Variants in ZPBP observed in about 807,000 individuals in gnomAD.
ZPBP encodes the protein zona pellucida-binding protein 1.
A neutral mutation model predicts 44.8 loss-of-function variants in ZPBP; 26 were observed. The ratio of observed to expected loss-of-function variants is 0.58; its 90% CI spans 0.43 to 0.81. The LOEUF is 0.81. Ranked by LOEUF, ZPBP falls within the 30% of genes least tolerant of loss-of-function variation. ZPBP has a pLI of 0.00. For missense variants in ZPBP, 409 were observed against 434.0 expected (o/e 0.94, Z 0.51); for synonymous variants, 174 against 153.2 (o/e 1.14, Z -1.00).
intron 1 of ZPBP, among the ~76,000 whole-genome samples, chr7:50,091,763 G>A (rs768742791): frequency 6.6e-6 from 1 of 152,162 alleles, no homozygotes; most frequent in South Asian, 2.1e-4. Context: ...GAGCAAATGT[G>A]ATGGGCATAA....
intron 5 of ZPBP, among the ~76,000 whole-genome samples, chr7:50,024,142 A>G (rs1296250641): frequency 6.6e-6 from 1 of 152,046 alleles, no homozygotes; most frequent in African/African-American, 2.4e-5. Flanking sequence ...GGCTGTTGTC[A>G]AAAAGATGAT....
At chr7:49,966,335 G>C (rs1296260289) in intron 7 of ZPBP, among the ~76,000 whole-genome samples, 2 of 151,940 alleles carry the variant, frequency 1.3e-5, no homozygotes, top group African/African-American at 4.8e-5. Flanking sequence ...CTCTCTCTCA[G>C]TATCAATATA....
intron 2 of ZPBP, among the ~76,000 whole-genome samples, chr7:49,860,549 T>C (rs1451183627): frequency 6.6e-6 from 1 of 152,254 alleles, no homozygotes; most frequent in Non-Finnish European, 1.5e-5. Flanking sequence ...CTGTGAATAA[T>C]GCTGCAGTGA....
At chr7:50,076,974 A>C (rs1802123442) in intron 3 of ZPBP, among the ~76,000 whole-genome samples, 1 of 144,334 alleles carries the variant, frequency 6.9e-6, no homozygotes, top group Non-Finnish European at 1.6e-5. Flanking sequence ...AAACTGGAGG[A>C]ATCACATTAT....
rs980645761 is a variant in ZPBP, at chr7:49,870,321, A to T, written n.510-19807T>A. Among the ~76,000 whole-genome samples, 3 of 152,130 alleles carry T rather than the reference A, an allele frequency of 2.0e-5. No individual in the cohort carries two copies. The East Asian group carries it at 5.8e-4, about 29-fold the overall frequency. ...AGGCTGAGGCAGGAGAATGGCGTGA[A>T]CCCAGGAGGTGGAGCTTGCAGTGAG... On this transcript the variant is annotated intron_variant and non_coding_transcript_variant, in intron 2 of 2. Transcript: ENST00000465922.
At chr7:49,984,525 T>G (rs2055190233) in intron 6 of ZPBP, among the ~76,000 whole-genome samples, 1 of 152,164 alleles carries the variant, frequency 6.6e-6, no homozygotes, top group Non-Finnish European at 1.5e-5. Context: ...CTGTTCTACT[T>G]TAGATAATCA....
intron 1 of ZPBP, chr7:49,912,187 C>T (rs766742451): frequency 1.1e-5 from 18 of 1,613,082 alleles, no homozygotes; most frequent in Admixed American, 8.3e-5. Context: ...CAAATGTAGA[C>T]GCTTCCCAGA....
At chr7:49,871,195 A>T (rs1791134861) in intron 2 of ZPBP, among the ~76,000 whole-genome samples, 2 of 152,150 alleles carry the variant, frequency 1.3e-5, no homozygotes, top group African/African-American at 2.4e-5. Flanking sequence ...AACGAATAAT[A>T]ATATCTATTG....
chr7:49,843,295 C>A, the ZPBP span, among the ~76,000 whole-genome samples: 1 of 152,130 alleles, frequency 6.6e-6, no homozygotes, highest in Non-Finnish European at 1.5e-5. Flanking sequence ...TGGGTGAGCC[C>A]CTTTCCTGAT....
At chr7:50,075,413 G>C (rs1037586482) in intron 3 of ZPBP, among the ~76,000 whole-genome samples, 1 of 151,642 alleles carries the variant, frequency 6.6e-6, no homozygotes, top group African/African-American at 2.4e-5. Context: ...AAATAATAAA[G>C]ATCAGAGGAG....
intron 2 of ZPBP, among the ~76,000 whole-genome samples, chr7:49,865,078 A>T (rs1790822917): frequency 6.6e-6 from 1 of 152,252 alleles, no homozygotes; most frequent in Non-Finnish European, 1.5e-5. Flanking sequence ...TGTAAATGGA[A>T]TACTTTTCTG....
At chr7:50,047,880 C>T (rs1034325587) in intron 4 of ZPBP, among the ~76,000 whole-genome samples, 1 of 152,064 alleles carries the variant, frequency 6.6e-6, no homozygotes, top group African/African-American at 2.4e-5. Context: ...GGGTGGAGTG[C>T]GCGAGGAAGC....
intron 5 of ZPBP, among the ~76,000 whole-genome samples, chr7:50,026,293 A>G (rs1799323040): frequency 6.6e-6 from 1 of 151,952 alleles, no homozygotes; most frequent in African/African-American, 2.4e-5. Context: ...CCCAAATTAT[A>G]TGAAGAAAAA....
intron 5 of ZPBP, among the ~76,000 whole-genome samples, chr7:50,020,929 T>C (rs541249631): frequency 3.3e-5 from 5 of 152,192 alleles, no homozygotes; most frequent in Admixed American, 1.3e-4. Context: ...AATATGTGTA[T>C]GTAACAAAAG....
chr7:49,873,868 T>G (rs548516701), intron 2 of ZPBP, among the ~76,000 whole-genome samples: 21 of 151,476 alleles, frequency 1.4e-4, no homozygotes, highest in African/African-American at 5.1e-4. Context: ...CATTTATATT[T>G]ATGCCAACAT....
intron 2 of ZPBP, among the ~76,000 whole-genome samples, chr7:49,878,615 A>G (rs1329434423): frequency 1.3e-5 from 2 of 152,118 alleles, no homozygotes; most frequent in African/African-American, 4.8e-5. Flanking sequence ...TTATATAATG[A>G]CATTCCAAGT....
At chr7:49,956,659 G>T (rs551238180) in intron 7 of ZPBP, among the ~76,000 whole-genome samples, 2 of 152,070 alleles carry the variant, frequency 1.3e-5, no homozygotes, top group South Asian at 4.1e-4. Flanking sequence ...AAATAGATGG[G>T]CATGCTATGT....
chr7:50,066,929 A>G (rs77489483), intron 3 of ZPBP, among the ~76,000 whole-genome samples: 2 of 152,134 alleles, frequency 1.3e-5, no homozygotes, highest in Non-Finnish European at 2.9e-5. Flanking sequence ...GTCGGGAGTC[A>G]CTACTGCCGC....
intron 5 of ZPBP, among the ~76,000 whole-genome samples, chr7:50,019,247 A>G (rs538892729): frequency 7.9e-4 from 120 of 152,218 alleles, no homozygotes; most frequent in African/African-American, 2.8e-3. Context: ...TGTTTTTCCC[A>G]TAACTCTACT....
Sources: gnomAD v4.1 joint callset for allele counts (sites outside exome capture counted in the v4.1 genomes callset) on GRCh38, gnomAD v4.1.1 for gene constraint, MANE v1.5 for transcripts, NCBI Gene and HGNC (gene_info 2026-07-23, HGNC 2026-07-21) for gene names.